SLC35D4: variants seen among roughly 807,000 people sequenced by gnomAD.
SLC35D4 encodes UDP-N-acetylglucosamine transporter SLC35D4.
the SLC35D4 span, among the ~76,000 whole-genome samples, chr18:23,281,072 C>G: frequency 6.6e-6 from 1 of 152,160 alleles, no homozygotes; most frequent in Non-Finnish European, 1.5e-5. Context: ...ATCTCCAGAA[C>G]AGGCCAATCC....
the SLC35D4 span, among the ~76,000 whole-genome samples, chr18:23,246,448 G>A: frequency 6.6e-6 from 1 of 151,982 alleles, no homozygotes; most frequent in Non-Finnish European, 1.5e-5. Context: ...CTGAAGTGCA[G>A]TGGCAAGATC....
chr18:23,420,820 C>T, the SLC35D4 span, among the ~76,000 whole-genome samples: 1 of 152,134 alleles, frequency 6.6e-6, no homozygotes, highest in African/African-American at 2.4e-5. Context: ...CCCCACACTA[C>T]ATCAATGTAT....
At chr18:23,246,613 G>C in the SLC35D4 span, among the ~76,000 whole-genome samples, 991 of 151,798 alleles carry the variant, frequency 6.5e-3, 16 homozygotes, top group African/African-American at 0.018. Context: ...GGATGGTCTC[G>C]ATCTCCTGAC....
chr18:23,240,037 G>A, the SLC35D4 span, among the ~76,000 whole-genome samples: 18 of 152,320 alleles, frequency 1.2e-4, no homozygotes, highest in East Asian at 1.2e-3. Context: ...AGAATTGCTT[G>A]AACCCAGGAG....
the SLC35D4 span, among the ~76,000 whole-genome samples, chr18:23,351,143 A>C: frequency 2.6e-5 from 4 of 152,202 alleles, no homozygotes; most frequent in African/African-American, 9.7e-5. Context: ...ACAGTGGCTC[A>C]CACCTGTAAT....
the SLC35D4 span, among the ~76,000 whole-genome samples, chr18:23,436,976 A>T: frequency 6.6e-6 from 1 of 152,152 alleles, no homozygotes; most frequent in East Asian, 1.9e-4. Flanking sequence ...AGCCCGCAGT[A>T]AGACCCCACA....
chr18:23,339,038 C>T, the SLC35D4 span, among the ~76,000 whole-genome samples: 1 of 152,138 alleles, frequency 6.6e-6, no homozygotes, highest in Non-Finnish European at 1.5e-5. Context: ...CAGGTACAAG[C>T]CACCACACCT....
At chr18:23,365,350 A>G in the SLC35D4 span, among the ~76,000 whole-genome samples, 3 of 152,234 alleles carry the variant, frequency 2.0e-5, no homozygotes, top group African/African-American at 7.2e-5. Context: ...GAATTTCAGA[A>G]GCGGGCAAAA....
the SLC35D4 span, among the ~76,000 whole-genome samples, chr18:23,430,470 C>T: frequency 6.6e-6 from 1 of 151,968 alleles, no homozygotes; most frequent in Admixed American, 6.6e-5. Context: ...GTTTTCATAC[C>T]CCCAAAATAG....
the SLC35D4 span, among the ~76,000 whole-genome samples, chr18:23,431,164 A>G: frequency 9.7e-4 from 139 of 142,802 alleles, no homozygotes; most frequent in Non-Finnish European, 1.7e-3. Context: ...AAAAAAAAAA[A>G]AAAAAAAAAA....
chr18:23,248,512 C>CTT, the SLC35D4 span, among the ~76,000 whole-genome samples: 285 of 90,712 alleles, frequency 3.1e-3, 2 homozygotes, highest in East Asian at 0.014. Flanking sequence ...GACCCTATGT[C>CTT]TTTTTTTTTT....
At chr18:23,398,103 A>G in the SLC35D4 span, among the ~76,000 whole-genome samples, 16 of 152,182 alleles carry the variant, frequency 1.1e-4, no homozygotes, top group African/African-American at 3.6e-4. Context: ...AGCTGCCACT[A>G]TCTGGGACTA....
At chr18:23,252,142 A>G in the SLC35D4 span, among the ~76,000 whole-genome samples, 29 of 152,190 alleles carry the variant, frequency 1.9e-4, no homozygotes, top group Admixed American at 1.6e-3. Context: ...AAAAGGACAA[A>G]TAGACGATTC....
chr18:23,410,020 CTG>C, the SLC35D4 span, among the ~76,000 whole-genome samples: 1 of 152,138 alleles, frequency 6.6e-6, no homozygotes, highest in Non-Finnish European at 1.5e-5. Flanking sequence ...TGTGCAAATA[CTG>C]TGCTGTTTTA....
At chr18:23,311,839 C>A in the SLC35D4 span, among the ~76,000 whole-genome samples, 1 of 152,026 alleles carries the variant, frequency 6.6e-6, no homozygotes, top group African/African-American at 2.4e-5. Context: ...CCCCCCACCC[C>A]CTTCATTAGT....
the SLC35D4 span, among the ~76,000 whole-genome samples, chr18:23,382,619 G>A: frequency 6.6e-6 from 1 of 152,176 alleles, no homozygotes; most frequent in African/African-American, 2.4e-5. Context: ...TCCTACTGTA[G>A]ATATTCAATT....
the SLC35D4 span, among the ~76,000 whole-genome samples, chr18:23,261,327 T>A: frequency 2.0e-5 from 3 of 152,056 alleles, no homozygotes; most frequent in African/African-American, 7.2e-5. Context: ...AGACCATGTC[T>A]CTATTTTGTT....
At chr18:23,276,044 CA>C in the SLC35D4 span, among the ~76,000 whole-genome samples, 2 of 151,974 alleles carry the variant, frequency 1.3e-5, no homozygotes, top group East Asian at 1.9e-4. Context: ...ACACTGTGAA[CA>C]TATTTCATAC....
At chr18:23,310,097 T>C in the SLC35D4 span, 1 of 502,882 alleles carries the variant, frequency 2.0e-6, no homozygotes, top group Non-Finnish European at 2.6e-6. Context: ...TTCCATTTTG[T>C]CTCAGCAGTG....
Sources: gnomAD v4.1 joint callset for allele counts (sites outside exome capture counted in the v4.1 genomes callset) on GRCh38, gnomAD v4.1.1 for gene constraint, MANE v1.5 for transcripts, NCBI Gene and HGNC (gene_info 2026-07-23, HGNC 2026-07-21) for gene names.